Variants in LRRC49 observed in about 807,000 individuals in gnomAD.
LRRC49 encodes the protein leucine-rich repeat-containing protein 49.
LRRC49 carries 50 observed loss-of-function variants against 83.3 expected under a neutral mutation model. That is an observed-to-expected ratio of 0.60 (90% confidence interval 0.48 to 0.76). LRRC49 has a LOEUF of 0.76. Among genes scored for constraint, LRRC49 ranks in the 30% least tolerant of loss-of-function variants. The pLI, the probability that LRRC49 is intolerant of heterozygous loss-of-function variation, is 0.00. For missense variants in LRRC49, 704 were observed against 809.1 expected, an observed-to-expected ratio of 0.87 and a Z score of 1.58; for synonymous variants, 286 against 283.3, an observed-to-expected ratio of 1.01 and a Z score of -0.10.
chr15:70,929,090 A>G (rs557784022), intron 7 of LRRC49, among the ~76,000 whole-genome samples: 4 of 152,214 alleles, frequency 2.6e-5, no homozygotes, highest in Admixed American at 6.5e-5. Context: ...TTTATCCTCA[A>G]TTTATCTAAT....
chr15:70,925,108 G>A (rs890425517), intron 7 of LRRC49, among the ~76,000 whole-genome samples: 6 of 151,956 alleles, frequency 3.9e-5, no homozygotes, highest in Non-Finnish European at 8.8e-5. Flanking sequence ...ACAATCTATA[G>A]CATGCTTAAA....
intron 11 of LRRC49, among the ~76,000 whole-genome samples, chr15:71,001,388 T>C (rs561996914): frequency 1.3e-5 from 2 of 152,326 alleles, no homozygotes; most frequent in East Asian, 3.9e-4. Context: ...TCAGTCTCAC[T>C]TCTCATTCCC....
At chr15:70,925,023 G>T (rs1164015011) in intron 7 of LRRC49, among the ~76,000 whole-genome samples, 1 of 151,872 alleles carries the variant, frequency 6.6e-6, no homozygotes, top group Non-Finnish European at 1.5e-5. Context: ...ATATGTTTAG[G>T]TGTGGAACTA....
intron 8 of LRRC49, among the ~76,000 whole-genome samples, chr15:70,953,709 C>T (rs898253347): frequency 2.0e-4 from 30 of 152,060 alleles, no homozygotes; most frequent in Admixed American, 3.3e-4. Context: ...TCCTCAAATA[C>T]GTTTTCCAGG....
intron 9 of LRRC49, among the ~76,000 whole-genome samples, chr15:70,971,054 T>C (rs979085976): frequency 2.0e-5 from 3 of 152,350 alleles, no homozygotes; most frequent in African/African-American, 4.8e-5. Flanking sequence ...CTTGCTTCTC[T>C]AATTCTTTCA....
chr15:71,004,959 G>A (rs1375993582), intron 11 of LRRC49, among the ~76,000 whole-genome samples: 3 of 152,130 alleles, frequency 2.0e-5, no homozygotes. Context: ...TCTGGGTGAT[G>A]AAGTAATCTG....
At chr15:70,862,963 G>A (rs2032828253) in intron 1 of LRRC49, among the ~76,000 whole-genome samples, 1 of 152,186 alleles carries the variant, frequency 6.6e-6, no homozygotes, top group South Asian at 2.1e-4. Context: ...ACAGCACGAG[G>A]ATGCTTGGCA....
upstream of LRRC49, chr15:70,891,903 C>T (rs2033589497): frequency 1.2e-6 from 2 of 1,613,088 alleles, no homozygotes; most frequent in South Asian, 1.1e-5. Context: ...GGACCTGGGG[C>T]AGCCTCAGAA....
chr15:71,031,772 C>T (rs1168977843), intron 14 of LRRC49, among the ~76,000 whole-genome samples: 1 of 152,142 alleles, frequency 6.6e-6, no homozygotes, highest in South Asian at 2.1e-4. Context: ...CAGCCCAGAC[C>T]TCCCAGCCTC....
At chr15:70,891,075 T>C (rs1448263234), upstream of LRRC49, among the ~76,000 whole-genome samples, 1 of 152,130 alleles carries the variant, frequency 6.6e-6, no homozygotes, top group Non-Finnish European at 1.5e-5. Context: ...TACAGACCCC[T>C]GAGGAAATTA....
chr15:70,884,434 T>C (rs1280156618), intron 2 of LRRC49, among the ~76,000 whole-genome samples: 1 of 151,852 alleles, frequency 6.6e-6, no homozygotes, highest in Non-Finnish European at 1.5e-5. Context: ...GCACAATAAT[T>C]GCTTGAAGCC....
chr15:70,893,695 AATAGCAGC>A (rs1567039641), intron 2 of LRRC49, 55 bp downstream of exon 2: 7 of 1,313,334 alleles, frequency 5.3e-6, no homozygotes, highest in Non-Finnish European at 7.7e-6. Context: ...ATTCTACACA[AATAGCAGC>A]ATGACTTAAA....
intron 2 of LRRC49, chr15:70,894,586 T>A: frequency 7.8e-7 from 1 of 1,274,684 alleles, no homozygotes. Context: ...TATACTTACC[T>A]ACTTTCTACA....
chr15:70,874,234 C>G (rs765418110), intron 2 of LRRC49, among the ~76,000 whole-genome samples: 2 of 152,110 alleles, frequency 1.3e-5, no homozygotes, highest in African/African-American at 2.4e-5. Context: ...GGGATGAGCT[C>G]CCTGGAATAT....
At position 70,927,668 on chromosome 15, in the gene LRRC49, G is replaced by C. The variant is rs564119015; in HGVS notation, c.711+8475G>C. Among the ~76,000 whole-genome samples the C allele has an allele frequency of 5.3e-4, 80 of 152,158 alleles. 1 individual carries two copies. In the South Asian group the frequency reaches 0.012, roughly 23 times the overall value. ...TTCATTTATTTGTTTATTTATTTGA[G>C]ACAGAGTTTCACTCTGTTGCCCAGG... On this transcript the variant is annotated intron_variant, in intron 7 of 15. Transcript: ENST00000260382.
intron 5 of LRRC49, 59 bp downstream of exon 5, chr15:70,904,814 T>C (rs1434340252): frequency 7.8e-7 from 1 of 1,286,656 alleles, no homozygotes; most frequent in African/African-American, 1.5e-5. Flanking sequence ...AATGTGGAGA[T>C]GACAACTTAG....
intron 11 of LRRC49, among the ~76,000 whole-genome samples, chr15:70,993,936 C>A (rs1427274247): frequency 6.6e-6 from 1 of 152,030 alleles, no homozygotes; most frequent in Non-Finnish European, 1.5e-5. Flanking sequence ...CCTTTGCCTC[C>A]CAGGTTCAAG....
chr15:71,041,387 G>C (rs1430726215), intron 15 of LRRC49, among the ~76,000 whole-genome samples: 1 of 152,058 alleles, frequency 6.6e-6, no homozygotes, highest in South Asian at 2.1e-4. Flanking sequence ...TGAATACCTG[G>C]AAATCCCAAG....
In LRRC49 at chr15:71,037,091, A is replaced by T. The variant is rs1023167772; in HGVS notation, c.1704-88A>T. ...TTAAAATATATATTCAAAAAAGTAT[A>T]TGTTCTCCTCTAAAGTCAACAAAAA... is the stretch of plus-strand genomic sequence containing the variant. On this transcript the variant is annotated intron_variant, in intron 14 of 15. Transcript: ENST00000260382. 9 of 877,628 alleles carry T rather than the reference A, an allele frequency of 1.0e-5. No individual in the cohort carries two copies. In the East Asian group the frequency reaches 2.3e-4, roughly 22 times the overall value. The allele number at this position is 877,628 out of a possible 1,614,324, so 54.4% of individuals were successfully genotyped here. A position where few individuals can be genotyped will look rare whatever the true frequency, so the allele number is the denominator to read the frequency against.
Sources: gnomAD v4.1 joint callset for allele counts (sites outside exome capture counted in the v4.1 genomes callset) on GRCh38, gnomAD v4.1.1 for gene constraint, MANE v1.5 for transcripts, NCBI Gene and HGNC (gene_info 2026-07-23, HGNC 2026-07-21) for gene names.